The following CCDC169 variants were observed in gnomAD, a reference collection of about 807,000 sequenced individuals.
The protein encoded by CCDC169 is coiled-coil domain containing 169.
Under a neutral mutation model 36.0 loss-of-function variants are expected in CCDC169, and 30 were observed. The observed-to-expected ratio is 0.83, with a 90% confidence interval of 0.62 to 1.13. The LOEUF is 1.13. Ranked by LOEUF, CCDC169 falls within the 50% of genes most tolerant of loss-of-function variation. CCDC169 has a pLI of 0.00. For missense variants in CCDC169, 245 were observed against 245.9 expected, an observed-to-expected ratio of 1.00 and a Z score of 0.03; for synonymous variants, 85 against 81.5, an observed-to-expected ratio of 1.04 and a Z score of -0.23.
Position 36,243,531 on chromosome 13 carries a change from G to A in CCDC169, c.545+5075C>T, listed in dbSNP as rs185291150. Among the ~76,000 whole-genome samples the A allele has an allele frequency of 1.5e-3, 227 of 151,820 alleles. 2 individuals carry two copies. The highest frequency in any genetic ancestry group is 5.3e-3 in the African/African-American group (221 of 41,364). On this transcript the variant is annotated intron_variant, in intron 7 of 7. Transcript: ENST00000239859. ...TAAATACATAAATACATAAGGCCAG[G>A]CACGGTGGCTCATGCCTGTAATCCC...
Position 36,230,971 on chromosome 13 carries a change from T to C in CCDC169, c.*222A>G. On this transcript the variant is annotated 3_prime_UTR_variant, in exon 8 of 8. Transcript: ENST00000239859. ...GCCAGCCTTCAGATTCCCTAGGATA[T>C]TTTAAAACTCTCAAGCACTTCTATT... 1 of 1,271,142 alleles carries C rather than the reference T, an allele frequency of 7.9e-7. No individual in the cohort carries two copies. The highest frequency in any genetic ancestry group is 9.9e-7 in the Non-Finnish European group (1 of 1,008,442). 78.7% of individuals were successfully genotyped at this position (1,271,142 alleles called of 1,614,324 possible). A position where few individuals can be genotyped will look rare whatever the true frequency, so the allele number is the denominator to read the frequency against.
chr13:36,240,204 T>C (rs1166192760), intron 7 of CCDC169, among the ~76,000 whole-genome samples: 1 of 152,012 alleles, frequency 6.6e-6, no homozygotes, highest in Non-Finnish European at 1.5e-5. Context: ...ATACTGCTAT[T>C]ATGACTTAAG....
intron 2 of CCDC169, among the ~76,000 whole-genome samples, chr13:36,286,288 A>C (rs1341610045): frequency 6.6e-6 from 1 of 152,192 alleles, no homozygotes; most frequent in Non-Finnish European, 1.5e-5. Context: ...TGACCTCTGG[A>C]GAAGCTGAGA....
intron 7 of CCDC169, among the ~76,000 whole-genome samples, chr13:36,233,441 C>T (rs912434613): frequency 1.3e-4 from 20 of 151,804 alleles, no homozygotes; most frequent in Admixed American, 2.0e-4. Context: ...GGCTCTTATA[C>T]AAGAAAAAAA....
intron 7 of CCDC169, among the ~76,000 whole-genome samples, chr13:36,243,649 A>G (rs1872137459): frequency 6.6e-6 from 1 of 152,044 alleles, no homozygotes; most frequent in Non-Finnish European, 1.5e-5. Context: ...TCTACTAAAA[A>G]TACAAAATTA....
At chr13:36,254,264 T>G in intron 4 of CCDC169, 121 bp from the exon 5 acceptor site, 1 of 561,512 alleles carries the variant, frequency 1.8e-6, no homozygotes, top group Non-Finnish European at 2.9e-6. Context: ...TTCATAATTC[T>G]ATGATATGTA....
At chr13:36,227,283 C>T (rs1566054358), downstream of CCDC169, 7 of 1,551,556 alleles carry the variant, frequency 4.5e-6, no homozygotes, top group East Asian at 1.7e-4. Context: ...TTGTCCGAGG[C>T]ATGTCCTATT....
chr13:36,247,324 A>G (rs1167323521), intron 7 of CCDC169, among the ~76,000 whole-genome samples: 1 of 152,188 alleles, frequency 6.6e-6, no homozygotes, highest in African/African-American at 2.4e-5. Context: ...CTGCCCATGG[A>G]TCAAGGAGTA....
At chr13:36,277,905 A>G (rs1393175856) in intron 4 of CCDC169, among the ~76,000 whole-genome samples, 1 of 151,138 alleles carries the variant, frequency 6.6e-6, no homozygotes, top group East Asian at 2.0e-4. Flanking sequence ...AGATCGTGCC[A>G]TTGCACTCCA....
At chr13:36,235,496 C>A (rs954047116) in intron 7 of CCDC169, among the ~76,000 whole-genome samples, 3 of 151,758 alleles carry the variant, frequency 2.0e-5, no homozygotes, top group African/African-American at 7.3e-5. Context: ...TAAAGAAAAT[C>A]TATGAACAAA....
chr13:36,264,802 T>C (rs1291837502), intron 4 of CCDC169, among the ~76,000 whole-genome samples: 1 of 152,220 alleles, frequency 6.6e-6, no homozygotes, highest in East Asian at 1.9e-4. Context: ...TCAGGCATTG[T>C]GCTAGGGATA....
At chr13:36,244,456 C>T (rs1383692376) in intron 7 of CCDC169, 1 of 152,052 alleles carries the variant, frequency 6.6e-6, no homozygotes, top group Non-Finnish European at 1.5e-5. Context: ...TACTGTCATA[C>T]CTGTTGTTGC....
chr13:36,240,807 C>T (rs1871718614), intron 7 of CCDC169: 2 of 253,182 alleles, frequency 7.9e-6, no homozygotes, highest in South Asian at 8.1e-5. Flanking sequence ...TTAATACACA[C>T]CATGGGCGAC....
chr13:36,244,991 G>A (rs1320580956), intron 7 of CCDC169, among the ~76,000 whole-genome samples: 1 of 152,070 alleles, frequency 6.6e-6, no homozygotes, highest in African/African-American at 2.4e-5. Flanking sequence ...GACTATTCAA[G>A]AAAGAATATA....
At chr13:36,244,556 A>T (rs797012582) in intron 7 of CCDC169, 3 of 152,314 alleles carry the variant, frequency 2.0e-5, no homozygotes, top group East Asian at 3.9e-4. Flanking sequence ...CTGAGAATTC[A>T]TCCCATGTGC....
chr13:36,234,807 T>A (rs960474529), intron 7 of CCDC169, among the ~76,000 whole-genome samples: 6 of 152,016 alleles, frequency 3.9e-5, no homozygotes, highest in African/African-American at 1.2e-4. Context: ...TCAGCAAACC[T>A]GCCCTATAAA....
intron 7 of CCDC169, among the ~76,000 whole-genome samples, chr13:36,235,300 GAGA>G (rs1213486968): frequency 1.3e-5 from 2 of 151,486 alleles, no homozygotes; most frequent in African/African-American, 4.8e-5. Context: ...TGAAATAGGA[GAGA>G]ACACCTTCCA....
At chr13:36,241,717 C>T (rs1871842046) in intron 7 of CCDC169, among the ~76,000 whole-genome samples, 1 of 146,020 alleles carries the variant, frequency 6.8e-6, no homozygotes, top group South Asian at 2.3e-4. Flanking sequence ...AATGTATGCA[C>T]CATTCTATTT....
At chr13:36,292,144 C>G (rs937386099) in intron 2 of CCDC169, among the ~76,000 whole-genome samples, 24 of 152,206 alleles carry the variant, frequency 1.6e-4, no homozygotes, top group Admixed American at 1.2e-3. Flanking sequence ...CCCACCACCA[C>G]ACCTGACTAA....
Sources: allele counts gnomAD v4.1 joint callset (sites outside exome capture counted in the v4.1 genomes callset), GRCh38; gene constraint gnomAD v4.1.1; transcripts MANE v1.5; gene names NCBI Gene and HGNC (gene_info 2026-07-23, HGNC 2026-07-21).